The following HFE variants were observed in gnomAD, a reference collection of about 807,000 sequenced individuals.
HFE encodes homeostatic iron regulator, also known as hereditary hemochromatosis protein.
In HFE, 36 loss-of-function variants were observed where a neutral mutation model predicts 40.9. That is an observed-to-expected ratio of 0.88 (90% confidence interval 0.67 to 1.16). HFE has a LOEUF of 1.16. Among genes scored for constraint, HFE ranks in the 50% most tolerant of loss-of-function variants. The pLI is 0.00. For synonymous variants in HFE, 157 were observed against 165.4 expected (o/e 0.95, Z 0.39); for missense variants, 376 against 432.0 (o/e 0.87, Z 1.15).
At chr6:26,088,800 T>G (rs1372819603) in intron 1 of HFE, among the ~76,000 whole-genome samples, 1 of 152,162 alleles carries the variant, frequency 6.6e-6, no homozygotes, top group Non-Finnish European at 1.5e-5. Context: ...GTCCCAGCCA[T>G]GTGTTGCACT....
intron 1 of HFE, among the ~76,000 whole-genome samples, chr6:26,088,653 A>G (rs985837528): frequency 3.3e-5 from 5 of 152,176 alleles, no homozygotes; most frequent in African/African-American, 1.2e-4. Context: ...AATTTATTCA[A>G]TGGTACACTG....
chr6:26,094,620 C>G lies in HFE; in HGVS notation c.*394C>G. On this transcript the variant is annotated 3_prime_UTR_variant, in exon 6 of 6. Transcript: ENST00000357618. ...TTAACATCTGAGAAAAGCTTTGAAC[C>G]CTGGGACGTGGCTAGTCATAACCTT... 1 of 613,238 alleles carries G rather than the reference C, an allele frequency of 1.6e-6. No homozygotes were observed. Among genetic ancestry groups the G allele is most frequent in the Non-Finnish European group, 2.9e-6 (1 of 345,180 alleles). The allele number at this position is 613,238 out of a possible 1,614,324, so 38.0% of individuals were successfully genotyped here.
chr6:26,091,701 C>G (rs1324070569), intron 3 of HFE, 112 bp downstream of exon 3: 1 of 1,113,162 alleles, frequency 9.0e-7, no homozygotes, highest in East Asian at 2.5e-5. Context: ...GTGTGCCTCT[C>G]CAAATTCTGG....
rs1762964178 is a variant in HFE at position 26,095,077 on chromosome 6, A to G, written c.*851A>G. On this transcript the variant is annotated 3_prime_UTR_variant, in exon 6 of 6. Transcript: ENST00000357618. Reference sequence around the variant, plus strand: ...TAATGAAAATTATGATAAGGATGATAAAAGCACTTACTTCGTGTCCGACTC... The same window carrying G: ...TAATGAAAATTATGATAAGGATGATGAAAGCACTTACTTCGTGTCCGACTC... The G allele has an allele frequency of 6.5e-6, 1 of 153,476 alleles. No homozygotes were observed. Among genetic ancestry groups the G allele is most frequent in the Admixed American group, 6.5e-5 (1 of 15,476 alleles). The allele number at this position is 153,476 out of a possible 1,614,324, so 9.5% of individuals were successfully genotyped here. A position where few individuals can be genotyped will look rare whatever the true frequency, so the allele number is the denominator to read the frequency against.
intron 3 of HFE, among the ~76,000 whole-genome samples, chr6:26,092,058 CA>C (rs1373293835): frequency 1.3e-5 from 2 of 151,312 alleles, no homozygotes; most frequent in African/African-American, 4.9e-5. Flanking sequence ...CCTGTAGTCC[CA>C]GCTAATTGGA....
In HFE at chr6:26,087,447, C is replaced by T. The variant is rs1762348630; in HGVS notation, c.7C>T (p.Pro3Ser). 6.2e-7 allele frequency: 1 copy of T among 1,613,922 alleles called. No individual in the cohort carries two copies. The highest frequency in any genetic ancestry group is 1.3e-5 in the African/African-American group (1 of 74,924). The part of the protein sequence containing the change: MG[P>S]RARPALLLLM... ...TGCGGCCAGAGCTGGGGAAATGGGC[C>T]CGCGAGCCAGGCCGGCGCTTCTCCT... is the stretch of plus-strand genomic sequence containing the variant. The change falls in exon 1 of 6, where the codon CCG becomes TCG. Residue 3 changes from proline (P) to serine (S), a missense_variant. By Grantham distance (74) the Pro-to-Ser change is moderately conservative. Transcript: ENST00000357618.
intron 1 of HFE, among the ~76,000 whole-genome samples, chr6:26,090,050 C>T (rs1484433209): frequency 6.6e-6 from 1 of 152,044 alleles, no homozygotes; most frequent in Non-Finnish European, 1.5e-5. Context: ...GAGGAAAGAG[C>T]AGTTTGGGGT....
At chr6:26,090,753 A>T (rs1222462998) in intron 1 of HFE, 88 bp from the exon 2 acceptor site, 2 of 1,342,684 alleles carry the variant, frequency 1.5e-6, no homozygotes, top group Non-Finnish European at 2.1e-6. Flanking sequence ...GACACAGCTG[A>T]TGGTATGAGT....
rs767495975 is a variant in HFE at position 26,094,404 on chromosome 6, G to T, written c.*178G>T. ...TCCTCAAAAAGATTTCCCCATTTAG[G>T]TTTCTGAGTTCCTGCATGCCGGTGA... On this transcript the variant is annotated 3_prime_UTR_variant, in exon 6 of 6. Transcript: ENST00000357618. 2.8e-6 allele frequency: 2 copies of T among 722,318 alleles called. No individual in the cohort carries two copies. The highest frequency in any genetic ancestry group is 1.7e-5 in the African/African-American group (1 of 57,490). The allele number at this position is 722,318 out of a possible 1,614,324, so 44.7% of individuals were successfully genotyped here.
At chr6:26,088,640 G>A (rs954241216) in intron 1 of HFE, among the ~76,000 whole-genome samples, 2 of 152,142 alleles carry the variant, frequency 1.3e-5, no homozygotes, top group African/African-American at 4.8e-5. Context: ...CTGCTTCCTG[G>A]CAAATTTATT....
At position 26,097,155 on chromosome 6, in the gene HFE, T is replaced by G. The variant is rs1679282701; in HGVS notation, c.*2929T>G. On this transcript the variant is annotated 3_prime_UTR_variant, in exon 6 of 6. Coordinates refer to ENST00000357618, the MANE Select transcript of HFE (RefSeq NM_000410.4). ...TCATAAGGAATATGTTACAATTAAT[T>G]TATTAGGTAAGCATTTGTTTTATAT... is the stretch of plus-strand genomic sequence containing the variant. 1 of 152,584 alleles carries G rather than the reference T, an allele frequency of 6.6e-6. No homozygotes were observed. The highest frequency in any genetic ancestry group is 1.5e-5 in the Non-Finnish European group (1 of 68,360). The allele number at this position is 152,584 out of a possible 1,614,324, so 9.5% of individuals were successfully genotyped here.
chr6:26,090,273 T>C (rs546067313), intron 1 of HFE, among the ~76,000 whole-genome samples: 50 of 151,856 alleles, frequency 3.3e-4, no homozygotes, highest in Middle Eastern at 3.4e-3. Context: ...TGAAACCCCA[T>C]GTCTACTAAA....
At chr6:26,093,374 G>T in intron 5 of HFE, 142 bp downstream of exon 5, 2 of 686,382 alleles carry the variant, frequency 2.9e-6, no homozygotes, top group Middle Eastern at 3.4e-4. Flanking sequence ...CTGGGAGACA[G>T]AAAATAATGG....
In HFE at chr6:26,087,474, C is replaced by A. The variant is rs1258155795; in HGVS notation, c.34C>A (p.Leu12Met). The change falls in exon 1 of 6, where the codon CTG becomes ATG. Residue 12 changes from leucine (L) to methionine (M), a missense_variant. Around this residue, in one of 3 missense-constraint regions of HFE, gnomAD observed 200 missense variants for 228.5 expected, o/e 0.88. Transcript: ENST00000357618. The part of the protein sequence containing the change: ...GPRARPALLL[L>M]MLLQTAVLQG... ...GCGAGCCAGGCCGGCGCTTCTCCTC[C>A]TGATGCTTTTGCAGACCGCGGTCCT... 2 of 1,614,132 alleles carry A rather than the reference C, an allele frequency of 1.2e-6. No homozygotes were observed. The highest frequency in any genetic ancestry group is 1.7e-6 in the Non-Finnish European group (2 of 1,179,992).
chr6:26,094,686 G>C lies in HFE; in HGVS notation c.*460G>C. ...ATGTATCTATGCATTTTCTGGACCC[G>C]TTCAACTTTTCCTTTGAATCCTCTC... On this transcript the variant is annotated 3_prime_UTR_variant, in exon 6 of 6. Coordinates refer to ENST00000357618, the MANE Select transcript of HFE (RefSeq NM_000410.4). 1.9e-6 allele frequency: 1 copy of C among 535,740 alleles called. No homozygotes were observed. Among genetic ancestry groups the C allele is most frequent in the South Asian group, 2.1e-5 (1 of 46,752 alleles). The allele number at this position is 535,740 out of a possible 1,614,324, so 33.2% of individuals were successfully genotyped here.
intron 1 of HFE, among the ~76,000 whole-genome samples, chr6:26,090,169 C>T (rs181501484): frequency 3.3e-5 from 5 of 152,088 alleles, no homozygotes; most frequent in Admixed American, 3.3e-4. Context: ...CAAGGCTGGG[C>T]ACGGTGGCTC....
chr6:26,094,513 C>T lies in HFE; in HGVS notation c.*287C>T. 1 of 702,300 alleles carries T rather than the reference C, an allele frequency of 1.4e-6. No homozygotes were observed. 43.5% of individuals were successfully genotyped at this position (702,300 alleles called of 1,614,324 possible). A position where few individuals can be genotyped will look rare whatever the true frequency, so the allele number is the denominator to read the frequency against. ...AGGCTTCCTTCATTTCCTCCGTCACCTCAGAGACATACACCTATGTCATTT... is the reference window on the plus strand; with the variant it reads ...AGGCTTCCTTCATTTCCTCCGTCACTTCAGAGACATACACCTATGTCATTT... On this transcript the variant is annotated 3_prime_UTR_variant, in exon 6 of 6. Coordinates refer to ENST00000357618, the MANE Select transcript of HFE (RefSeq NM_000410.4).
chr6:26,092,561 G>C, intron 3 of HFE, 124 bp from the exon 4 acceptor site: 3 of 1,574,436 alleles, frequency 1.9e-6, no homozygotes, highest in Non-Finnish European at 2.6e-6. Context: ...TGTCTCTCCT[G>C]TAGCTTGTTT....
rs1464105089 is a variant in HFE, at chr6:26,095,692, G to A, written c.*1466G>A. On this transcript the variant is annotated 3_prime_UTR_variant, in exon 6 of 6. Transcript: ENST00000357618. ...GATGGCTCTTCTCTTGTCTCATTGT[G>A]TTTCTTCTGAGTGAGCTTGAATCAC... The A allele has an allele frequency of 6.6e-6, 1 of 152,144 alleles. No individual in the cohort carries two copies. The highest frequency in any genetic ancestry group is 1.5e-5 in the Non-Finnish European group (1 of 68,022). The allele number at this position is 152,144 out of a possible 1,614,324, so 9.4% of individuals were successfully genotyped here.
Sources: gnomAD v4.1 joint callset for allele counts (sites outside exome capture counted in the v4.1 genomes callset) on GRCh38, gnomAD v4.1.1 for gene constraint, gnomAD v4.1.1 regional missense constraint, MANE v1.5 for transcripts, NCBI Gene and HGNC (gene_info 2026-07-23, HGNC 2026-07-21) for gene names.